Variants in SOS1 observed in about 807,000 individuals in gnomAD.
The protein encoded by SOS1 is son of sevenless homolog 1.
In SOS1, 25 loss-of-function variants were observed where a neutral mutation model predicts 157.6. The observed-to-expected ratio is 0.16, with a 90% CI of 0.12 to 0.22. The LOEUF is 0.22. SOS1 is among the 10% of genes least tolerant of loss of function. The pLI, the probability that SOS1 is intolerant of heterozygous loss-of-function variation, is 1.00. For synonymous variants in SOS1, 528 were observed against 534.0 expected (o/e 0.99, Z 0.16); for missense variants, 1,237 against 1,599.1 (o/e 0.77, Z 3.86).
rs758699499 is a variant in SOS1, at chr2:39,022,608, A to G, written c.1820T>C (p.Ile607Thr). The change falls in exon 10 of 23, where the codon ATT becomes ACT. Residue 607 changes from isoleucine (I) to threonine (T), a missense_variant. By Grantham distance (89) the Ile-to-Thr change is moderately conservative. Around this residue, in one of 15 missense-constraint regions of SOS1, gnomAD observed 22 missense variants for 46.3 expected, o/e 0.48. Coordinates refer to ENST00000402219, the MANE Select transcript of SOS1 (RefSeq NM_005633.4). ...GIPIIKAGTV[I>T]KLIERLTYHM... ...GTACGTAAGCCTCTCTATAAGTTTA[A>G]TAACAGTTCCTGCTTTGATAATTGG... 8.1e-6 allele frequency: 13 copies of G among 1,613,314 alleles called. No homozygotes were observed. Among genetic ancestry groups the G allele is most frequent in the Middle Eastern group, 1.6e-4 (1 of 6,084 alleles).
intron 6 of SOS1, among the ~76,000 whole-genome samples, chr2:39,035,829 C>T (rs1232013940): frequency 6.6e-6 from 1 of 151,936 alleles, no homozygotes; most frequent in East Asian, 1.9e-4. Flanking sequence ...TTGACAACAA[C>T]AAAGAATATA....
chr2:39,050,355 G>A (rs545518847), intron 6 of SOS1, among the ~76,000 whole-genome samples: 1 of 152,096 alleles, frequency 6.6e-6, no homozygotes, highest in Admixed American at 6.5e-5. Context: ...CCAGGTCCTG[G>A]ACCTTATTGT....
chr2:39,062,006 A>AC (rs912137926), intron 2 of SOS1, among the ~76,000 whole-genome samples: 8 of 151,670 alleles, frequency 5.3e-5, no homozygotes, highest in Non-Finnish European at 1.2e-4. Flanking sequence ...GTTAAAAAAA[A>AC]AATCAGATCC....
chr2:39,103,672 C>G (rs532136506), intron 1 of SOS1, among the ~76,000 whole-genome samples: 22 of 152,222 alleles, frequency 1.4e-4, no homozygotes, highest in African/African-American at 5.3e-4. Context: ...AATATAAGAG[C>G]TAAAACCATA....
chr2:38,999,755 T>C (rs1449610022), intron 17 of SOS1, among the ~76,000 whole-genome samples: 1 of 152,176 alleles, frequency 6.6e-6, no homozygotes, highest in Admixed American at 6.5e-5. Flanking sequence ...CAACCTTCCA[T>C]AGTGGTCACA....
At chr2:39,029,712 TG>T (rs1670091571) in intron 8 of SOS1, among the ~76,000 whole-genome samples, 1 of 152,224 alleles carries the variant, frequency 6.6e-6, no homozygotes, top group South Asian at 2.1e-4. Context: ...GTTAGCTGTT[TG>T]TTTACAATGG....
At chr2:39,068,730 C>T (rs1310190718) in intron 1 of SOS1, among the ~76,000 whole-genome samples, 1 of 151,702 alleles carries the variant, frequency 6.6e-6, no homozygotes, top group Non-Finnish European at 1.5e-5. Context: ...ACTTAAGAGT[C>T]CACACTGGAA....
rs967765514 is a variant in SOS1 at position 39,054,771 on chromosome 2, A to G, written c.563T>C (p.Leu188Ser). The G allele has an allele frequency of 7.6e-6, 12 of 1,579,764 alleles. No homozygotes were observed. The highest frequency in any genetic ancestry group is 1.3e-5 in the African/African-American group (1 of 74,202). ...TGAGGTGGAAGGCTCTTCGTCAGTT[A>G]AAGATAATATATTAATATCTTCTAC... is the stretch of plus-strand genomic sequence containing the variant. The part of the protein sequence containing the change: ...QDVEDINILS[L>S]TDEEPSTSGE... The change falls in exon 5 of 23, where the codon TTA (leucine) becomes TCA (serine). Residue 188 changes from leucine to serine, a missense_variant. Physicochemically the swap from Leu to Ser is moderately radical, Grantham distance 145. Around this residue, in one of 15 missense-constraint regions of SOS1, gnomAD observed 108 missense variants for 115.3 expected, o/e 0.94. Transcript: ENST00000402219.
At chr2:39,110,039 C>CATGT (rs1553371511) in intron 1 of SOS1, among the ~76,000 whole-genome samples, 1 of 135,420 alleles carries the variant, frequency 7.4e-6, no homozygotes, top group African/African-American at 2.9e-5. Flanking sequence ...TGTGTGTGTG[C>CATGT]GTGTGTGTGT....
At chr2:39,106,365 C>T (rs944027068) in intron 1 of SOS1, among the ~76,000 whole-genome samples, 1 of 151,798 alleles carries the variant, frequency 6.6e-6, no homozygotes, top group Non-Finnish European at 1.5e-5. Context: ...CCGAGGCGGG[C>T]GGATCACGAG....
intron 1 of SOS1, among the ~76,000 whole-genome samples, chr2:39,073,692 GGT>G (rs1275181204): frequency 6.6e-6 from 1 of 152,162 alleles, no homozygotes; most frequent in African/African-American, 2.4e-5. Flanking sequence ...AAGGGATTTA[GGT>G]GTATATCGAT....
intron 10 of SOS1, among the ~76,000 whole-genome samples, chr2:39,016,554 A>G (rs1166519362): frequency 6.6e-6 from 1 of 152,094 alleles, no homozygotes; most frequent in Non-Finnish European, 1.5e-5. Flanking sequence ...CTGCAAATCT[A>G]TTTGTAAGGT....
chr2:39,122,219 C>G (rs1206745231), upstream of SOS1, among the ~76,000 whole-genome samples: 1 of 151,810 alleles, frequency 6.6e-6, no homozygotes, highest in Admixed American at 6.6e-5. Context: ...CACCTGAGGT[C>G]AGGAGTTCCA....
intron 6 of SOS1, among the ~76,000 whole-genome samples, chr2:39,041,013 C>T (rs549151367): frequency 5.9e-5 from 9 of 152,218 alleles, no homozygotes; most frequent in Non-Finnish European, 1.0e-4. Context: ...GTTACTTTCC[C>T]TTTATTTAAA....
intron 1 of SOS1, among the ~76,000 whole-genome samples, chr2:39,108,110 G>T (rs550786819): frequency 6.6e-6 from 1 of 152,008 alleles, no homozygotes. Flanking sequence ...AGAAACCTGG[G>T]AATCCTCTCA....
At chr2:39,068,202 G>T (rs1044494807) in intron 1 of SOS1, among the ~76,000 whole-genome samples, 1 of 152,174 alleles carries the variant, frequency 6.6e-6, no homozygotes, top group African/African-American at 2.4e-5. Context: ...GAAGTCAGGA[G>T]TTCTCAACCC....
intron 8 of SOS1, among the ~76,000 whole-genome samples, chr2:39,025,570 G>A (rs868663594): frequency 7.2e-5 from 11 of 151,730 alleles, no homozygotes; most frequent in African/African-American, 2.4e-4. Context: ...ATGTTAGCCA[G>A]GCTGGTCTCA....
At chr2:39,009,071 C>T (rs1289489637) in intron 15 of SOS1, among the ~76,000 whole-genome samples, 1 of 151,688 alleles carries the variant, frequency 6.6e-6, no homozygotes, top group Non-Finnish European at 1.5e-5. Context: ...TGAATACGGT[C>T]ACGGAATTAA....
At chr2:39,114,461 G>A (rs1367984530) in intron 1 of SOS1, among the ~76,000 whole-genome samples, 1 of 151,858 alleles carries the variant, frequency 6.6e-6, no homozygotes, top group Non-Finnish European at 1.5e-5. Flanking sequence ...GCGCCACCAC[G>A]CCCAGCTAAT....
Sources: allele counts gnomAD v4.1 joint callset (sites outside exome capture counted in the v4.1 genomes callset), GRCh38; gene constraint gnomAD v4.1.1; regional missense constraint gnomAD v4.1.1; transcripts MANE v1.5; gene names NCBI Gene and HGNC (gene_info 2026-07-23, HGNC 2026-07-21).